ADGRL4: variants seen among roughly 807,000 people sequenced by gnomAD.
ADGRL4 encodes the protein EGF, latrophilin and seven transmembrane domain containing 1.
Under a neutral mutation model 74.8 loss-of-function variants are expected in ADGRL4, and 90 were observed. That is an observed-to-expected ratio of 1.20 (90% CI 1.02 to 1.43). ADGRL4 has a LOEUF of 1.43. ADGRL4 is among the 40% of genes most tolerant of loss of function. ADGRL4 has a pLI of 0.00. For missense variants in ADGRL4, 881 were observed against 814.3 expected (o/e 1.08, Z -1.00); for synonymous variants, 311 against 279.2 (o/e 1.11, Z -1.14).
intron 12 of ADGRL4, among the ~76,000 whole-genome samples, chr1:78,896,644 C>T (rs79908495): frequency 0.03 from 4,602 of 152,116 alleles, 90 homozygotes; most frequent in Non-Finnish European, 0.047. Context: ...CTTCAGAAAC[C>T]TCCTAATTGA....
chr1:78,992,918 T>A (rs1650637020), intron 2 of ADGRL4, among the ~76,000 whole-genome samples: 3 of 152,156 alleles, frequency 2.0e-5, no homozygotes, highest in Admixed American at 2.0e-4. Context: ...CAGAGGATAT[T>A]AAATTATATC....
chr1:78,900,741 C>T (rs530288256), intron 12 of ADGRL4, among the ~76,000 whole-genome samples: 30 of 152,178 alleles, frequency 2.0e-4, no homozygotes, highest in African/African-American at 7.2e-4. Context: ...TGCAAGTTTC[C>T]CAGCCATGCT....
chr1:78,994,796 C>T (rs960131586), intron 2 of ADGRL4, among the ~76,000 whole-genome samples: 2 of 152,124 alleles, frequency 1.3e-5, no homozygotes, highest in African/African-American at 4.8e-5. Flanking sequence ...GATCATCCTG[C>T]CTCATTAGTT....
intron 2 of ADGRL4, among the ~76,000 whole-genome samples, chr1:78,978,856 G>A (rs1481168013): frequency 6.6e-6 from 1 of 151,914 alleles, no homozygotes; most frequent in Non-Finnish European, 1.5e-5. Context: ...TAATGCCAAA[G>A]ATCTTATCTT....
At chr1:78,992,237 T>C (rs1650621119) in intron 2 of ADGRL4, among the ~76,000 whole-genome samples, 1 of 152,080 alleles carries the variant, frequency 6.6e-6, no homozygotes, top group Non-Finnish European at 1.5e-5. Flanking sequence ...ACAGTTAACA[T>C]TCTGTCTTTC....
chr1:78,906,806 G>A (rs548478319), intron 12 of ADGRL4, among the ~76,000 whole-genome samples: 5 of 151,776 alleles, frequency 3.3e-5, no homozygotes, highest in East Asian at 1.9e-4. Flanking sequence ...TAGAACTTTC[G>A]CAATTAAATT....
At chr1:78,984,291 G>A (rs1570271487) in intron 2 of ADGRL4, among the ~76,000 whole-genome samples, 2 of 151,744 alleles carry the variant, frequency 1.3e-5, no homozygotes, top group South Asian at 4.1e-4. Context: ...TAGGAGATTG[G>A]TGCTAAAATA....
At chr1:78,915,779 T>G (rs1371388012) in intron 12 of ADGRL4, among the ~76,000 whole-genome samples, 1 of 151,912 alleles carries the variant, frequency 6.6e-6, no homozygotes. Flanking sequence ...TCATCTAACA[T>G]TGTGTTATAT....
At chr1:78,936,662 G>A (rs1044498905) in intron 6 of ADGRL4, among the ~76,000 whole-genome samples, 1 of 152,034 alleles carries the variant, frequency 6.6e-6, no homozygotes, top group African/African-American at 2.4e-5. Flanking sequence ...AATATAATAT[G>A]TGTATGTAAC....
At chr1:78,969,093 T>G (rs1434643079) in intron 2 of ADGRL4, among the ~76,000 whole-genome samples, 1 of 152,236 alleles carries the variant, frequency 6.6e-6, no homozygotes, top group African/African-American at 2.4e-5. Flanking sequence ...TTGAACTATT[T>G]ACAGCCTTTA....
At chr1:79,005,875 A>G (rs1650952620) in intron 1 of ADGRL4, among the ~76,000 whole-genome samples, 1 of 152,236 alleles carries the variant, frequency 6.6e-6, no homozygotes, top group Non-Finnish European at 1.5e-5. Context: ...AAAGAAACTC[A>G]AGATTATAGT....
At chr1:78,937,665 A>T in intron 6 of ADGRL4, 142 bp downstream of exon 6, 1 of 697,270 alleles carries the variant, frequency 1.4e-6, no homozygotes, top group South Asian at 1.9e-5. Flanking sequence ...AATATGCATC[A>T]CCATTCATTT....
intron 2 of ADGRL4, among the ~76,000 whole-genome samples, chr1:78,956,153 G>A (rs1394691628): frequency 6.6e-6 from 1 of 152,044 alleles, no homozygotes; most frequent in Admixed American, 6.6e-5. Context: ...TTTAGATATT[G>A]CCGAAACACA....
In ADGRL4 at chr1:78,917,875, C is replaced by T. The variant is rs765307430; in HGVS notation, c.1637G>A (p.Gly546Glu). ...TCTGTATCCTAGTGCTGCCGAAAAT[C>T]CAACTACCACGGCTGGGCTTAGATA... ...FGYLSPAVVV[G>E]FSAALGYRYY... Residue 546 changes from glycine to glutamate, a missense_variant, in exon 11 of 15, where the codon GGA becomes GAA. Coordinates refer to ENST00000370742, the MANE Select transcript of ADGRL4 (RefSeq NM_022159.4). 1.7e-5 allele frequency: 27 copies of T among 1,612,604 alleles called. No individual in the cohort carries two copies. Among genetic ancestry groups the T allele is most frequent in the Non-Finnish European group, 2.2e-5 (26 of 1,179,104 alleles).
intron 13 of ADGRL4, 36 bp downstream of exon 13, chr1:78,893,058 CAAAA>C (rs10640737): frequency 2.4e-4 from 205 of 847,790 alleles, no homozygotes; most frequent in Middle Eastern, 9.4e-4. Context: ...TTTTAATTAC[CAAAA>C]AAAAAAAAAA....
chr1:78,958,767 C>T (rs1649883955), intron 2 of ADGRL4, among the ~76,000 whole-genome samples: 1 of 152,190 alleles, frequency 6.6e-6, no homozygotes, highest in Non-Finnish European at 1.5e-5. Flanking sequence ...AGAGGACTGA[C>T]TCCAATTTTA....
chr1:78,986,059 T>A (rs1650488052), intron 2 of ADGRL4, among the ~76,000 whole-genome samples: 1 of 151,690 alleles, frequency 6.6e-6, no homozygotes, highest in East Asian at 1.9e-4. Context: ...ATCGAAAAAC[T>A]GCTTATCAGG....
chr1:78,993,777 G>A (rs1055769788), intron 2 of ADGRL4, among the ~76,000 whole-genome samples: 1 of 151,984 alleles, frequency 6.6e-6, no homozygotes, highest in African/African-American at 2.4e-5. Context: ...GTTTCACTGT[G>A]TTAGCTAGGA....
chr1:78,937,993 A>G lies in ADGRL4; in HGVS notation c.577-3T>C, dbSNP rs1462525144. On this transcript the variant is annotated splice_polypyrimidine_tract_variant and splice_region_variant and intron_variant, in intron 5 of 14. Transcript: ENST00000370742. ...TTATTCACGGTTTTTACAAATTCCTATTGAAAAAAAGTATGTCTTTTAGAA... is the reference window on the plus strand; with the variant it reads ...TTATTCACGGTTTTTACAAATTCCTGTTGAAAAAAAGTATGTCTTTTAGAA... 1.9e-6 allele frequency: 3 copies of G among 1,607,356 alleles called. No individual in the cohort carries two copies. The highest frequency in any genetic ancestry group is 2.2e-5 in the East Asian group (1 of 44,774).
Sources: gnomAD v4.1 joint callset for allele counts (sites outside exome capture counted in the v4.1 genomes callset) on GRCh38, gnomAD v4.1.1 for gene constraint, MANE v1.5 for transcripts, NCBI Gene and HGNC (gene_info 2026-07-23, HGNC 2026-07-21) for gene names.